The following DCC variants were observed in gnomAD, a reference collection of about 807,000 sequenced individuals.
DCC encodes the protein netrin receptor DCC.
A neutral mutation model predicts 172.5 loss-of-function variants in DCC; 58 were observed. The observed-to-expected ratio is 0.34, with a 90% confidence interval of 0.27 to 0.42. The LOEUF is 0.42. Among genes scored for constraint, DCC ranks in the 10% least tolerant of loss-of-function variants. DCC has a pLI of 1.00. For synonymous variants in DCC, 709 were observed against 644.5 expected (o/e 1.10, Z -1.52); for missense variants, 1,740 against 1,791.0 (o/e 0.97, Z 0.51).
intron 7 of DCC, among the ~76,000 whole-genome samples, chr18:53,141,130 T>C (rs2043824240): frequency 6.6e-6 from 1 of 152,188 alleles, no homozygotes. Context: ...TCTACCATAC[T>C]CATTGATTAT....
At chr18:53,008,592 C>A (rs1000914163) in intron 5 of DCC, among the ~76,000 whole-genome samples, 1 of 151,920 alleles carries the variant, frequency 6.6e-6, no homozygotes, top group African/African-American at 2.4e-5. Flanking sequence ...TGTAAAATAT[C>A]TTAAGCTGTG....
intron 7 of DCC, among the ~76,000 whole-genome samples, chr18:53,070,767 C>T (rs370995083): frequency 6.6e-5 from 10 of 152,090 alleles, no homozygotes; most frequent in Admixed American, 3.3e-4. Flanking sequence ...GATAAAAATC[C>T]GAAAGCGTGA....
At chr18:52,748,132 G>T (rs188852781) in intron 1 of DCC, among the ~76,000 whole-genome samples, 189 of 152,314 alleles carry the variant, frequency 1.2e-3, no homozygotes, top group African/African-American at 4.2e-3. Flanking sequence ...AGCCACCACC[G>T]CACAGAGCCA....
intron 5 of DCC, among the ~76,000 whole-genome samples, chr18:52,997,001 G>A (rs2041492703): frequency 6.6e-6 from 1 of 151,930 alleles, no homozygotes; most frequent in African/African-American, 2.4e-5. Context: ...CTCCAGAAAA[G>A]GAGCTAATGC....
intron 5 of DCC, among the ~76,000 whole-genome samples, chr18:52,950,026 G>T (rs535207510): frequency 9.2e-5 from 14 of 152,258 alleles, no homozygotes; most frequent in African/African-American, 3.4e-4. Context: ...GGTACCAGGG[G>T]CATGGTTGGC....
chr18:53,518,752 G>C (rs751387562), intron 27 of DCC, among the ~76,000 whole-genome samples: 6 of 152,082 alleles, frequency 3.9e-5, no homozygotes, highest in Non-Finnish European at 7.4e-5. Context: ...CCAAAGGGTC[G>C]CCTGAAACTT....
At position 53,528,081 on chromosome 18, in the gene DCC, T is replaced by C. The variant is rs537688788; in HGVS notation, c.4254+1322T>C. Among the ~76,000 whole-genome samples, 3 of 152,134 alleles carry C rather than the reference T, an allele frequency of 2.0e-5. No homozygotes were observed. The South Asian group carries it at 6.4e-4, about 32-fold the overall frequency. ...AATATCAAGGAATAAGTAGGTAACA[T>C]TTAATCAGTCCTCTGTAAGCAATGC... On this transcript the variant is annotated intron_variant, in intron 28 of 28. Coordinates refer to ENST00000442544, the MANE Select transcript of DCC (RefSeq NM_005215.4).
At chr18:52,920,569 C>CT (rs2040108569) in intron 3 of DCC, among the ~76,000 whole-genome samples, 1 of 151,962 alleles carries the variant, frequency 6.6e-6, no homozygotes, top group Non-Finnish European at 1.5e-5. Context: ...GGATGTAGAA[C>CT]TTTTTTTGCT....
chr18:53,273,269 G>T (rs1027066243), intron 12 of DCC, among the ~76,000 whole-genome samples: 3 of 151,942 alleles, frequency 2.0e-5, no homozygotes, highest in Non-Finnish European at 2.9e-5. Context: ...AATTATACAT[G>T]AGCCTCTGAA....
Position 52,934,661 on chromosome 18 carries a change from A to C in DCC, c.985+9291A>C, listed in dbSNP as rs530711832. The C allele has an allele frequency of 1.5e-4, 23 of 152,208 alleles. No individual in the cohort carries two copies. In the East Asian group the frequency reaches 4.3e-3, roughly 28 times the overall value. The allele number at this position is 152,208 out of a possible 1,614,324, so 9.4% of individuals were successfully genotyped here. The stretch of plus-strand genomic sequence containing the variant: ...TCGAAATTCATATGTTGAAATCCTA[A>C]CCCCCAATGTGACTGTATTTGGAGA... On this transcript the variant is annotated intron_variant, in intron 5 of 28. Coordinates refer to ENST00000442544, the MANE Select transcript of DCC (RefSeq NM_005215.4).
At chr18:52,651,913 T>C (rs1191022341) in intron 1 of DCC, among the ~76,000 whole-genome samples, 1 of 152,056 alleles carries the variant, frequency 6.6e-6, no homozygotes. Flanking sequence ...AGTGGGAGGA[T>C]ATGTAAAGCC....
At chr18:52,574,548 C>T (rs974751408) in intron 1 of DCC, among the ~76,000 whole-genome samples, 6 of 152,070 alleles carry the variant, frequency 3.9e-5, no homozygotes, top group Admixed American at 6.5e-5. Flanking sequence ...TCCAGAATTT[C>T]GGAAGTGAAT....
chr18:53,184,061 A>C (rs1417511748), intron 9 of DCC, among the ~76,000 whole-genome samples: 1 of 151,934 alleles, frequency 6.6e-6, no homozygotes, highest in Non-Finnish European at 1.5e-5. Flanking sequence ...ACATAATTTC[A>C]ACTGCTCTAC....
chr18:53,077,229 C>T (rs1413538192), intron 7 of DCC, among the ~76,000 whole-genome samples: 1 of 151,924 alleles, frequency 6.6e-6, no homozygotes, highest in South Asian at 2.1e-4. Context: ...ATAGTCCTAC[C>T]TTGAGCCATT....
At chr18:52,664,734 G>A (rs1287820551) in intron 1 of DCC, among the ~76,000 whole-genome samples, 1 of 151,970 alleles carries the variant, frequency 6.6e-6, no homozygotes, top group African/African-American at 2.4e-5. Flanking sequence ...GCCTCCCAAA[G>A]TGCTGGGATT....
intron 2 of DCC, among the ~76,000 whole-genome samples, chr18:52,867,094 G>A (rs929346671): frequency 6.6e-6 from 1 of 152,166 alleles, no homozygotes; most frequent in African/African-American, 2.4e-5. Flanking sequence ...CATGAAGGGT[G>A]TGGAATTTTA....
At chr18:53,142,643 A>C (rs1055915202) in intron 7 of DCC, among the ~76,000 whole-genome samples, 1 of 152,174 alleles carries the variant, frequency 6.6e-6, no homozygotes, top group Admixed American at 6.5e-5. Flanking sequence ...TTACATGAAA[A>C]TTGTAAAAAT....
At chr18:52,528,880 T>A (rs2032060636) in intron 1 of DCC, among the ~76,000 whole-genome samples, 1 of 152,134 alleles carries the variant, frequency 6.6e-6, no homozygotes, top group South Asian at 2.1e-4. Flanking sequence ...AATATTCCAG[T>A]TAGGCCACCA....
chr18:52,787,093 T>TC (rs1407245083), intron 2 of DCC, among the ~76,000 whole-genome samples: 3 of 152,154 alleles, frequency 2.0e-5, no homozygotes, highest in African/African-American at 7.2e-5. Flanking sequence ...TTTAAAAAGT[T>TC]AAAAGTATGT....
Sources: allele counts gnomAD v4.1 joint callset (sites outside exome capture counted in the v4.1 genomes callset), GRCh38; gene constraint gnomAD v4.1.1; transcripts MANE v1.5; gene names NCBI Gene and HGNC (gene_info 2026-07-23, HGNC 2026-07-21).